The following UBOX5 variants were observed in gnomAD, a reference collection of about 807,000 sequenced individuals.
UBOX5 encodes the protein U-box domain containing 5.
A neutral mutation model predicts 39.0 loss-of-function variants in UBOX5; 28 were observed. The ratio of observed to expected loss-of-function variants is 0.72; its 90% CI spans 0.53 to 0.98. The LOEUF is 0.98. Among genes scored for constraint, UBOX5 ranks in the 50% least tolerant of loss-of-function variants. The probability of loss-of-function intolerance (pLI) is 0.00; values close to 1 mark genes in which losing one functional copy is unlikely to be tolerated. For missense variants in UBOX5, 585 were observed against 674.4 expected, an observed-to-expected ratio of 0.87 and a Z score of 1.47; for synonymous variants, 283 against 275.5, an observed-to-expected ratio of 1.03 and a Z score of -0.27.
intron 1 of UBOX5, chr20:3,146,951 T>C (rs369345081): frequency 1.2e-6 from 2 of 1,614,172 alleles, no homozygotes; most frequent in South Asian, 1.1e-5. Flanking sequence ...GCCATAGCAA[T>C]ACTGGTTCCT....
Position 3,122,363 on chromosome 20 carries a change from C to T in UBOX5, c.276G>A (p.Val92=). The part of the protein sequence containing the change: ...EMYTSASSSR[V]SWNTPQCRTL... ...TCCGGCACTGGGGCGTATTCCAAGA[C>T]ACTCTGCTAGATGAGGCAGATGTGT... The change falls in exon 3 of 5, where the codon GTG becomes GTA. Residue 92 remains valine (V), a synonymous_variant. Transcript: ENST00000217173. 6.2e-7 allele frequency: 1 copy of T among 1,614,228 alleles called. No individual in the cohort carries two copies. The highest frequency in any genetic ancestry group is 8.5e-7 in the Non-Finnish European group (1 of 1,180,042).
At chr20:3,154,546 G>A (rs1368524715) in intron 1 of UBOX5, among the ~76,000 whole-genome samples, 1 of 152,068 alleles carries the variant, frequency 6.6e-6, no homozygotes, top group African/African-American at 2.4e-5. Flanking sequence ...AGCCAAGCCT[G>A]GTGGCACACA....
chr20:3,147,671 T>A (rs374979965), intron 1 of UBOX5: 3 of 1,614,124 alleles, frequency 1.9e-6, no homozygotes, highest in Non-Finnish European at 2.5e-6. Context: ...TTCTGGGTAC[T>A]GGTTGAATTC....
intron 1 of UBOX5, among the ~76,000 whole-genome samples, chr20:3,131,807 G>A (rs925981507): frequency 1.3e-5 from 2 of 151,880 alleles, no homozygotes; most frequent in African/African-American, 2.4e-5. Flanking sequence ...TCAGGAGTTC[G>A]AGATCAGCCT....
chr20:3,124,575 T>G (rs971781273), intron 1 of UBOX5, among the ~76,000 whole-genome samples: 31 of 151,116 alleles, frequency 2.1e-4, no homozygotes, highest in Non-Finnish European at 3.4e-4. Flanking sequence ...CCTCTCTGCC[T>G]GGCCACCCAT....
Position 3,152,903 on chromosome 20 carries a change from CAA to C in UBOX5, c.-42+6861_-42+6862del, listed in dbSNP as rs200186346. Among the ~76,000 whole-genome samples, 704 of 117,974 alleles carry C rather than the reference CAA, an allele frequency of 6.0e-3. 1 individual carries two copies. The highest frequency in any genetic ancestry group is 8.8e-3 in the Middle Eastern group (2 of 226). The allele number at this position is 117,974 out of a possible 152,430, so 77.4% of individuals were successfully genotyped here. A position where few individuals can be genotyped will look rare whatever the true frequency, so the allele number is the denominator to read the frequency against. ...CCTGGGCGAAAGAGCAAGACTGTCTCAAAAAAAAAAAAAAGTAGATCCTAAAA... is the reference window on the plus strand; with the variant it reads ...CCTGGGCGAAAGAGCAAGACTGTCTCAAAAAAAAAAAAGTAGATCCTAAAA... On this transcript the variant is annotated intron_variant, in intron 1 of 4. Transcript: ENST00000217173.
At chr20:3,127,031 C>T (rs1238090544) in intron 1 of UBOX5, among the ~76,000 whole-genome samples, 1 of 109,674 alleles carries the variant, frequency 9.1e-6, no homozygotes, top group African/African-American at 3.9e-5. Flanking sequence ...AGCAAAACTC[C>T]GTCTCAAAAA....
chr20:3,110,363 T>C, intron 4 of UBOX5, 49 bp from the exon 5 acceptor site: 4 of 1,604,386 alleles, frequency 2.5e-6, no homozygotes, highest in Non-Finnish European at 3.4e-6. Context: ...AGCTGCTCCA[T>C]GGTCCAGGCT....
Position 3,122,427 on chromosome 20 carries a change from G to A in UBOX5, c.212C>T (p.Thr71Ile). The A allele has an allele frequency of 1.2e-6, 2 of 1,614,208 alleles. No individual in the cohort carries two copies. The highest frequency in any genetic ancestry group is 2.2e-5 in the South Asian group (2 of 91,084). ...VEICRINIDL[T>I]AGGGQNVTGL... ...AGTGACGTTCTGACCTCCCCCAGCTGTGAGGTCTATGTTGATCCTACAGAT... is the reference window on the plus strand; with the variant it reads ...AGTGACGTTCTGACCTCCCCCAGCTATGAGGTCTATGTTGATCCTACAGAT... The change falls in exon 3 of 5, where the codon ACA becomes ATA. Residue 71 changes from threonine (T) to isoleucine (I), a missense_variant. By Grantham distance (89) the Thr-to-Ile change is moderately conservative (BLOSUM62 -1). Coordinates refer to ENST00000217173, the MANE Select transcript of UBOX5 (RefSeq NM_014948.4).
At chr20:3,116,152 G>A (rs1339944410) in intron 3 of UBOX5, among the ~76,000 whole-genome samples, 10 of 152,004 alleles carry the variant, frequency 6.6e-5, no homozygotes, top group African/African-American at 1.5e-4. Flanking sequence ...CCTCCCCAGC[G>A]GCCTTAGTCT....
intron 1 of UBOX5, among the ~76,000 whole-genome samples, chr20:3,131,236 A>G (rs1391763168): frequency 6.6e-6 from 1 of 152,088 alleles, no homozygotes; most frequent in Non-Finnish European, 1.5e-5. Flanking sequence ...CTCAAAAAAA[A>G]AAAAAGAAAA....
chr20:3,141,782 G>A (rs1369906068), intron 1 of UBOX5, among the ~76,000 whole-genome samples: 1 of 152,214 alleles, frequency 6.6e-6, no homozygotes, highest in Non-Finnish European at 1.5e-5. Flanking sequence ...AGAGACTGAA[G>A]CAGGAGTATT....
chr20:3,151,612 A>G (rs780366332), intron 1 of UBOX5: 2 of 152,086 alleles, frequency 1.3e-5, no homozygotes, highest in East Asian at 1.9e-4. Context: ...ACACAGCAAG[A>G]CTGTCTAAAA....
At chr20:3,120,367 A>G (rs2066325079) in intron 3 of UBOX5, among the ~76,000 whole-genome samples, 3 of 146,418 alleles carry the variant, frequency 2.0e-5, no homozygotes, top group Non-Finnish European at 3.0e-5. Flanking sequence ...AAAAAACAGA[A>G]GTCGAGTGCA....
At chr20:3,136,490 A>T (rs1373368369) in intron 1 of UBOX5, among the ~76,000 whole-genome samples, 1 of 151,364 alleles carries the variant, frequency 6.6e-6, no homozygotes, top group Non-Finnish European at 1.5e-5. Flanking sequence ...AGTAGCTGGG[A>T]TTACAGGCAT....
chr20:3,126,527 A>C (rs1389591718), intron 1 of UBOX5, among the ~76,000 whole-genome samples: 1 of 151,296 alleles, frequency 6.6e-6, no homozygotes. Flanking sequence ...AAAAAAAAGA[A>C]AAGAAAAAGA....
chr20:3,123,484 A>T lies in UBOX5; in HGVS notation c.-41-78T>A, dbSNP rs2066353659. The T allele has an allele frequency of 3.8e-6, 4 of 1,040,414 alleles. No homozygotes were observed. In the South Asian group the frequency reaches 5.8e-5, roughly 15 times the overall value. The allele number at this position is 1,040,414 out of a possible 1,614,324, so 64.4% of individuals were successfully genotyped here. A position where few individuals can be genotyped will look rare whatever the true frequency, so the allele number is the denominator to read the frequency against. Reference sequence around the variant, plus strand: ...CTTTCAGAAGTTGATTCTTAAGAGAATCAAACAGGATGGCAACAAAAACTT... The same window carrying T: ...CTTTCAGAAGTTGATTCTTAAGAGATTCAAACAGGATGGCAACAAAAACTT... On this transcript the variant is annotated intron_variant, in intron 1 of 4. Transcript: ENST00000217173.
At chr20:3,153,203 A>G (rs1386731593) in intron 1 of UBOX5, among the ~76,000 whole-genome samples, 1 of 152,256 alleles carries the variant, frequency 6.6e-6, no homozygotes, top group East Asian at 1.9e-4. Flanking sequence ...AAATTACTAT[A>G]CGTGGTCTGG....
chr20:3,120,260 T>A, intron 3 of UBOX5, among the ~76,000 whole-genome samples: 1 of 147,320 alleles, frequency 6.8e-6, no homozygotes. Context: ...GGCAGGAGAA[T>A]CACTTGAACC....
Sources: allele counts gnomAD v4.1 joint callset (sites outside exome capture counted in the v4.1 genomes callset), GRCh38; gene constraint gnomAD v4.1.1; transcripts MANE v1.5; gene names NCBI Gene and HGNC (gene_info 2026-07-23, HGNC 2026-07-21).